Variants in SH3D19 observed in about 807,000 individuals in gnomAD.
SH3D19 encodes SH3 domain containing 19, also known as SH3 domain-containing protein 19.
SH3D19 carries 58 observed loss-of-function variants against 112.1 expected under a neutral mutation model. That is an observed-to-expected ratio of 0.52 (90% CI 0.42 to 0.64). SH3D19 has a LOEUF of 0.64. SH3D19 is among the 30% of genes least tolerant of loss of function. The probability of loss-of-function intolerance (pLI) is 0.00; values close to 1 mark genes in which losing one functional copy is unlikely to be tolerated. For synonymous variants in SH3D19, 391 were observed against 448.5 expected, an observed-to-expected ratio of 0.87 and a Z score of 1.62; for missense variants, 1,090 against 1,263.4, an observed-to-expected ratio of 0.86 and a Z score of 2.08.
rs148354444 is a variant in SH3D19, at chr4:151,185,798, C to G, written c.193+1625G>C. ...TGGTGGCTCACACCTGTAATCCTAGCACTTTGGGAGACCAAGGCGGGCAAA... is the reference window on the plus strand; with the variant it reads ...TGGTGGCTCACACCTGTAATCCTAGGACTTTGGGAGACCAAGGCGGGCAAA... On this transcript the variant is annotated intron_variant, in intron 3 of 19. Coordinates refer to ENST00000604030, the MANE Select transcript of SH3D19 (RefSeq NM_001378122.1). Among the ~76,000 whole-genome samples, 1,035 of 152,282 alleles carry G rather than the reference C, an allele frequency of 6.8e-3. 9 individuals carry two copies. The highest frequency in any genetic ancestry group is 0.024 in the African/African-American group (998 of 41,540).
intron 17 of SH3D19, among the ~76,000 whole-genome samples, chr4:151,132,009 A>G (rs1300775138): frequency 6.6e-6 from 1 of 151,808 alleles, no homozygotes; most frequent in Admixed American, 6.6e-5. Flanking sequence ...TTTTTAGTAG[A>G]GACAGGGTTT....
At position 151,159,274 on chromosome 4, in the gene SH3D19, C is replaced by A. The variant is rs757617844; in HGVS notation, c.1721G>T (p.Gly574Val). 1 of 1,562,182 alleles carries A rather than the reference C, an allele frequency of 6.4e-7. No individual in the cohort carries two copies. The highest frequency in any genetic ancestry group is 8.6e-7 in the Non-Finnish European group (1 of 1,162,524). ...AGTTCTCTCAACATTACTGAGCTTT[C>A]CAGATACTGTACTGAAAGTGTTTCC... is the stretch of plus-strand genomic sequence containing the variant. Reference protein sequence around the residue: ...PIGNTFSTVSGKLSNVERTRN... With the variant: ...PIGNTFSTVSVKLSNVERTRN... Residue 574 changes from glycine (G) to valine (V), a missense_variant, in exon 9 of 20, where the codon GGA becomes GTA. By Grantham distance (109) the Gly-to-Val change is moderately radical (BLOSUM62 -3). Transcript: ENST00000604030.
chr4:151,282,424 G>A (rs761300446), intron 1 of SH3D19: 2 of 1,613,222 alleles, frequency 1.2e-6, no homozygotes, highest in Admixed American at 1.7e-5. Context: ...GTGAGAATGG[G>A]CAGAGAGAAG....
intron 2 of SH3D19, among the ~76,000 whole-genome samples, chr4:151,224,202 G>A (rs1343398087): frequency 6.6e-6 from 1 of 152,084 alleles, no homozygotes; most frequent in Non-Finnish European, 1.5e-5. Context: ...CCAGCTACTC[G>A]GGAGGCTGAG....
chr4:151,123,017 A>AT (rs574700103), intron 19 of SH3D19, among the ~76,000 whole-genome samples: 2 of 151,774 alleles, frequency 1.3e-5, no homozygotes, highest in Non-Finnish European at 2.9e-5. Flanking sequence ...ACGTCCAGCT[A>AT]TTTTTTGTAT....
At chr4:151,321,438 A>G (rs1045433938) in intron 1 of SH3D19, among the ~76,000 whole-genome samples, 4 of 152,230 alleles carry the variant, frequency 2.6e-5, no homozygotes, top group African/African-American at 9.6e-5. Context: ...TATGCAATCA[A>G]TAACAGAAAG....
At chr4:151,203,102 C>T (rs1764623978) in intron 2 of SH3D19, among the ~76,000 whole-genome samples, 1 of 152,162 alleles carries the variant, frequency 6.6e-6, no homozygotes. Flanking sequence ...CCAAGCTTGA[C>T]TCCTAATCCC....
At chr4:151,212,434 A>C (rs181567725) in intron 2 of SH3D19, among the ~76,000 whole-genome samples, 177 of 152,296 alleles carry the variant, frequency 1.2e-3, no homozygotes, top group African/African-American at 4.0e-3. Flanking sequence ...TGTGAGGGGC[A>C]CCTGGCCTCA....
intron 1 of SH3D19, among the ~76,000 whole-genome samples, chr4:151,247,524 C>A (rs1175207978): frequency 6.6e-6 from 1 of 152,054 alleles, no homozygotes; most frequent in Non-Finnish European, 1.5e-5. Context: ...AATTTATATT[C>A]CATAAAATTT....
At chr4:151,161,944 T>A (rs1038516087) in intron 8 of SH3D19, among the ~76,000 whole-genome samples, 8 of 151,880 alleles carry the variant, frequency 5.3e-5, no homozygotes, top group Non-Finnish European at 8.8e-5. Context: ...TCTTTTTTTT[T>A]AATTGAGCCT....
chr4:151,245,762 T>C (rs6849875), intron 1 of SH3D19, among the ~76,000 whole-genome samples: 49,853 of 151,934 alleles, frequency 0.33, 9,486 homozygotes, highest in Non-Finnish European at 0.44. Context: ...CCACCATGCC[T>C]AGCTAATTTT....
intron 1 of SH3D19, among the ~76,000 whole-genome samples, chr4:151,268,990 G>A (rs1773030455): frequency 6.6e-6 from 1 of 152,138 alleles, no homozygotes; most frequent in Non-Finnish European, 1.5e-5. Context: ...GGTATTTCTA[G>A]TTCTAGATCC....
chr4:151,237,009 CTTCCA>C (rs1012637980), intron 1 of SH3D19, among the ~76,000 whole-genome samples: 1 of 152,218 alleles, frequency 6.6e-6, no homozygotes, highest in African/African-American at 2.4e-5. Flanking sequence ...CTGAAGTCCC[CTTCCA>C]TACTGTGGAA....
At chr4:151,163,055 A>C (rs1757424474) in intron 8 of SH3D19, among the ~76,000 whole-genome samples, 1 of 152,124 alleles carries the variant, frequency 6.6e-6, no homozygotes, top group Admixed American at 6.5e-5. Flanking sequence ...CCCCAATAAA[A>C]ACCCTGGGCA....
chr4:151,142,875 C>T (rs982456034), intron 12 of SH3D19, among the ~76,000 whole-genome samples: 3 of 152,164 alleles, frequency 2.0e-5, no homozygotes, highest in Non-Finnish European at 1.5e-5. Context: ...GAGGCCAACT[C>T]TCTGCAAGTC....
intron 11 of SH3D19, among the ~76,000 whole-genome samples, chr4:151,147,001 A>G (rs1353320627): frequency 6.6e-6 from 1 of 152,238 alleles, no homozygotes; most frequent in Admixed American, 6.5e-5. Context: ...AAATGAGGGA[A>G]AAACCATCCA....
intron 8 of SH3D19, among the ~76,000 whole-genome samples, chr4:151,163,977 AT>A (rs992600536): frequency 6.6e-6 from 1 of 152,140 alleles, no homozygotes; most frequent in African/African-American, 2.4e-5. Context: ...GATACCTTAG[AT>A]TTTTTTCTCC....
chr4:151,271,241 G>A (rs1470028550), intron 1 of SH3D19, among the ~76,000 whole-genome samples: 1 of 152,146 alleles, frequency 6.6e-6, no homozygotes, highest in African/African-American at 2.4e-5. Flanking sequence ...TATTCTTTAG[G>A]AGACTGTTTT....
At chr4:151,295,364 G>T (rs1278126916) in intron 1 of SH3D19, among the ~76,000 whole-genome samples, 2 of 152,228 alleles carry the variant, frequency 1.3e-5, no homozygotes, top group South Asian at 4.1e-4. Flanking sequence ...AGAGCTGAGT[G>T]AAACAAGGAC....
Sources: allele counts gnomAD v4.1 joint callset (sites outside exome capture counted in the v4.1 genomes callset), GRCh38; gene constraint gnomAD v4.1.1; transcripts MANE v1.5; gene names NCBI Gene and HGNC (gene_info 2026-07-23, HGNC 2026-07-21).